Variants in PLEKHA5 observed in about 807,000 individuals in gnomAD.
PLEKHA5 encodes the protein pleckstrin homology domain-containing family A member 5.
A neutral mutation model predicts 181.9 loss-of-function variants in PLEKHA5; 55 were observed. The observed-to-expected ratio is 0.30, with a 90% CI of 0.24 to 0.38. The LOEUF is 0.38. PLEKHA5 is among the 10% of genes least tolerant of loss of function. The pLI is 1.00. For missense variants in PLEKHA5, 1,432 were observed against 1,549.5 expected (o/e 0.92, Z 1.27); for synonymous variants, 535 against 529.4 (o/e 1.01, Z -0.15).
intron 3 of PLEKHA5, among the ~76,000 whole-genome samples, chr12:19,223,455 T>C (rs1003774095): frequency 2.6e-5 from 4 of 152,168 alleles, no homozygotes; most frequent in African/African-American, 4.8e-5. Flanking sequence ...CAGTAACTTA[T>C]CTGGGAAATC....
chr12:19,299,497 G>A (rs1228629465), intron 15 of PLEKHA5, among the ~76,000 whole-genome samples: 3 of 152,140 alleles, frequency 2.0e-5, no homozygotes, highest in African/African-American at 4.8e-5. Context: ...ATCTTTGCAC[G>A]CACATAGCAA....
intron 16 of PLEKHA5, among the ~76,000 whole-genome samples, chr12:19,318,370 A>G (rs1374656105): frequency 1.3e-5 from 2 of 152,156 alleles, no homozygotes; most frequent in East Asian, 3.9e-4. Context: ...TAACTACAGT[A>G]GACATTTTTC....
chr12:19,189,574 A>C (rs917615029), intron 3 of PLEKHA5, among the ~76,000 whole-genome samples: 1 of 152,150 alleles, frequency 6.6e-6, no homozygotes, highest in Non-Finnish European at 1.5e-5. Flanking sequence ...GGAGATCAAC[A>C]AGAGATTCGT....
intron 15 of PLEKHA5, chr12:19,307,129 G>C: frequency 1.2e-6 from 1 of 860,150 alleles, no homozygotes; most frequent in Non-Finnish European, 2.0e-6. Context: ...GAAGCATGTA[G>C]CTGCTGGTCT....
At chr12:19,233,349 G>T (rs2152399736) in intron 3 of PLEKHA5, among the ~76,000 whole-genome samples, 1 of 152,224 alleles carries the variant, frequency 6.6e-6, no homozygotes, top group East Asian at 1.9e-4. Context: ...TGTATTAAAT[G>T]ACCTAGGCAA....
At chr12:19,183,752 T>G in intron 3 of PLEKHA5, among the ~76,000 whole-genome samples, 1 of 152,170 alleles carries the variant, frequency 6.6e-6, no homozygotes, top group African/African-American at 2.4e-5. Context: ...CTTGCTCTAT[T>G]GCCCAGGCTG....
intron 15 of PLEKHA5, among the ~76,000 whole-genome samples, chr12:19,311,760 A>C (rs976590707): frequency 8.5e-5 from 13 of 152,198 alleles, no homozygotes; most frequent in African/African-American, 2.6e-4. Context: ...AACCTCATTC[A>C]TGAGAGTTGG....
intron 15 of PLEKHA5, among the ~76,000 whole-genome samples, chr12:19,301,969 A>G (rs1435542951): frequency 6.6e-6 from 1 of 152,142 alleles, no homozygotes; most frequent in African/African-American, 2.4e-5. Flanking sequence ...TAAATGACCT[A>G]TTTATAAAGA....
At chr12:19,179,245 T>C (rs1387676613) in intron 3 of PLEKHA5, among the ~76,000 whole-genome samples, 1 of 152,222 alleles carries the variant, frequency 6.6e-6, no homozygotes, top group Non-Finnish European at 1.5e-5. Flanking sequence ...TGTTTAACAG[T>C]ATGTATTATT....
At chr12:19,349,089 TTTGTTG>T (rs146606952) in intron 25 of PLEKHA5, among the ~76,000 whole-genome samples, 102,571 of 144,700 alleles carry the variant, frequency 0.71, 39,163 homozygotes, top group Non-Finnish European at 0.87. Context: ...GGTGGTTGTT[TTTGTTG>T]TTGTTGTTGT....
At chr12:19,368,398 G>A (rs1168684543) in intron 30 of PLEKHA5, among the ~76,000 whole-genome samples, 1 of 152,182 alleles carries the variant, frequency 6.6e-6, no homozygotes, top group Non-Finnish European at 1.5e-5. Flanking sequence ...GGAGGCTGAG[G>A]TAGGAGGATC....
In PLEKHA5 at chr12:19,255,215, T is replaced by C. The variant is rs1261686414; in HGVS notation, c.432+50T>C. ...TTATTGATAAGGAGTAAACAGTATC[T>C]ATACCGTTACTCATAATGGACTTAA... On this transcript the variant is annotated intron_variant, in intron 5 of 31. Transcript: ENST00000429027. The C allele has an allele frequency of 8.6e-6, 10 of 1,166,202 alleles. No homozygotes were observed. The East Asian group carries it at 2.6e-4, about 30-fold the overall frequency. 72.2% of individuals were successfully genotyped at this position (1,166,202 alleles called of 1,614,324 possible). A position where few individuals can be genotyped will look rare whatever the true frequency, so the allele number is the denominator to read the frequency against.
At chr12:19,327,241 G>GTTTTTTT (rs1163455769) in intron 20 of PLEKHA5, among the ~76,000 whole-genome samples, 1 of 141,410 alleles carries the variant, frequency 7.1e-6, no homozygotes, top group African/African-American at 2.7e-5. Context: ...GCCAGCATCT[G>GTTTTTTT]TTTTTGTTTT....
intron 25 of PLEKHA5, among the ~76,000 whole-genome samples, chr12:19,349,290 A>G (rs2094478124): frequency 6.6e-6 from 1 of 151,896 alleles, no homozygotes; most frequent in South Asian, 2.1e-4. Context: ...TAATTTTTTA[A>G]GTATTTGTAG....
chr12:19,290,605 T>G (rs997983352), intron 13 of PLEKHA5, 72 bp from the exon 14 acceptor site: 3 of 1,403,178 alleles, frequency 2.1e-6, no homozygotes, highest in Admixed American at 2.3e-5. Context: ...AAATCTTGGT[T>G]TAATATCTGT....
chr12:19,222,309 T>G (rs2059072522), intron 3 of PLEKHA5, among the ~76,000 whole-genome samples: 1 of 152,170 alleles, frequency 6.6e-6, no homozygotes, highest in African/African-American at 2.4e-5. Context: ...CATTTCCTAG[T>G]GTCTGTAATT....
intron 8 of PLEKHA5, among the ~76,000 whole-genome samples, chr12:19,268,880 A>G (rs540988526): frequency 6.6e-6 from 1 of 152,290 alleles, no homozygotes; most frequent in South Asian, 2.1e-4. Context: ...TTTATTAAGG[A>G]ACAGCTCAAA....
chr12:19,187,119 T>C (rs75398828), intron 3 of PLEKHA5, among the ~76,000 whole-genome samples: 19,032 of 152,118 alleles, frequency 0.13, 1,415 homozygotes, highest in East Asian at 0.3. Context: ...TTCTGGCCAT[T>C]AGAAACAAGT....
At chr12:19,361,478 C>G in intron 28 of PLEKHA5, 104 bp from the exon 29 acceptor site, 1 of 667,704 alleles carries the variant, frequency 1.5e-6, no homozygotes, top group Admixed American at 3.1e-5. Flanking sequence ...CCATCACGCC[C>G]GACCGTGATT....
Sources: allele counts gnomAD v4.1 joint callset (sites outside exome capture counted in the v4.1 genomes callset), GRCh38; gene constraint gnomAD v4.1.1; transcripts MANE v1.5; gene names NCBI Gene and HGNC (gene_info 2026-07-23, HGNC 2026-07-21).